Variants in PFKL observed in about 807,000 individuals in gnomAD.
The protein encoded by PFKL is ATP-dependent 6-phosphofructokinase, liver type.
PFKL carries 74 observed loss-of-function variants against 92.1 expected under a neutral mutation model. That is an observed-to-expected ratio of 0.80 (90% CI 0.67 to 0.97). PFKL has a LOEUF of 0.97. Among genes scored for constraint, PFKL ranks in the 50% least tolerant of loss-of-function variants. The pLI is 0.00. For missense variants in PFKL, 1,028 were observed against 1,116.6 expected (o/e 0.92, Z 1.13); for synonymous variants, 494 against 456.4 (o/e 1.08, Z -1.05).
In PFKL at chr21:44,316,306, C is replaced by T. The variant is rs749333614; in HGVS notation, c.810C>T (p.Asn270=). 53 of 1,613,190 alleles carry T rather than the reference C, an allele frequency of 3.3e-5. No individual in the cohort carries two copies. Among genetic ancestry groups the T allele is most frequent in the Non-Finnish European group, 4.3e-5 (51 of 1,179,986 alleles). The part of the protein sequence containing the change: ...IIIAEGAIDR[N]GKPISSSYVK... ...TCGCTGAGGGTGCCATTGACCGCAA[C>T]GGGAAGCCCATCTCGTCCAGCTACG... Residue 270 remains asparagine, a synonymous_variant, in exon 8 of 22, where the codon AAC becomes AAT. Transcript: ENST00000349048.
rs770225443 is a variant in PFKL at position 44,312,431 on chromosome 21, C to T, written c.427+137C>T. 56 of 770,834 alleles carry T rather than the reference C, an allele frequency of 7.3e-5. No homozygotes were observed. In the Middle Eastern group the frequency reaches 2.6e-3, roughly 36 times the overall value. The allele number at this position is 770,834 out of a possible 1,614,324, so 47.7% of individuals were successfully genotyped here. On this transcript the variant is annotated intron_variant, in intron 4 of 21. Transcript: ENST00000349048. ...GAGGAGGGGCTGTCTGGCCGTTGGC[C>T]GGGGAGGAGTAGTGTCTGCCAGCAC...
At chr21:44,313,824 T>C in intron 6 of PFKL, 89 bp from the exon 7 acceptor site, 5 of 1,327,470 alleles carry the variant, frequency 3.8e-6, no homozygotes, top group Non-Finnish European at 5.2e-6. Flanking sequence ...ACAGAGAAGC[T>C]GTGGCCCAGA....
intron 5 of PFKL, 140 bp from the exon 6 acceptor site, chr21:44,313,498 T>C: frequency 1.3e-6 from 1 of 794,304 alleles, no homozygotes; most frequent in Non-Finnish European, 2.1e-6. Flanking sequence ...AGGTATCTTT[T>C]AGCTCAGAGC....
chr21:44,304,964 C>T (rs2040889783), intron 1 of PFKL, among the ~76,000 whole-genome samples: 1 of 152,138 alleles, frequency 6.6e-6, no homozygotes, highest in Non-Finnish European at 1.5e-5. Context: ...GCTCCAGCTC[C>T]CTGCACGCTC....
intron 1 of PFKL, among the ~76,000 whole-genome samples, 197 bp from the exon 2 acceptor site, chr21:44,306,484 T>TGGGGAGGGCAGAG (rs1454806581): frequency 1.3e-5 from 2 of 151,528 alleles, no homozygotes; most frequent in Non-Finnish European, 2.9e-5. Flanking sequence ...CCCTCTGAGA[T>TGGGGAGGGCAGAG]GGGGAGGGCG....
Position 44,312,959 on chromosome 21 carries a change from C to T in PFKL, c.428-19C>T. The T allele has an allele frequency of 9.9e-6, 16 of 1,611,038 alleles. No homozygotes were observed. Among genetic ancestry groups the T allele is most frequent in the Non-Finnish European group, 1.4e-5 (16 of 1,178,444 alleles). ...GCCAGTGGAGCCTCAGCCAGGTCCT[C>T]CTGCTGCTCCTGGCCCAGGTAAGAT... On this transcript the variant is annotated intron_variant, in intron 4 of 21. Transcript: ENST00000349048.
At chr21:44,308,224 C>G (rs1428123842) in intron 2 of PFKL, among the ~76,000 whole-genome samples, 2 of 152,126 alleles carry the variant, frequency 1.3e-5, no homozygotes. Flanking sequence ...ACAGGAGGAG[C>G]CTTAGTCTTG....
At chr21:44,314,213 T>A in intron 7 of PFKL, 192 bp downstream of exon 7, 1 of 585,634 alleles carries the variant, frequency 1.7e-6, no homozygotes, top group Non-Finnish European at 3.0e-6. Context: ...GCACCTGTGG[T>A]CCTGCCCCCA....
chr21:44,321,647 C>G, intron 12 of PFKL, 82 bp from the exon 13 acceptor site: 1 of 1,410,426 alleles, frequency 7.1e-7, no homozygotes, highest in Non-Finnish European at 9.3e-7. Flanking sequence ...TTTCCAGAAC[C>G]TGCCGGCCTG....
Position 44,310,983 on chromosome 21 carries a change from G to T in PFKL, c.160-23G>T, listed in dbSNP as rs756177292. ...GCCGCCATGGGGTCCCCTATCTCAT[G>T]CCTGCCCCACTCTTGATTTCAGGGC... On this transcript the variant is annotated intron_variant, in intron 2 of 21. Coordinates refer to ENST00000349048, the MANE Select transcript of PFKL (RefSeq NM_002626.6). 2.5e-6 allele frequency: 4 copies of T among 1,602,648 alleles called. 1 individual carries two copies. The South Asian group carries it at 4.4e-5, about 18-fold the overall frequency.
rs943791221 is a variant in PFKL at position 44,319,483 on chromosome 21, C to T, written c.1127+68C>T. On this transcript the variant is annotated intron_variant, in intron 11 of 21. Coordinates refer to ENST00000349048, the MANE Select transcript of PFKL (RefSeq NM_002626.6). ...TCCCGGTGCCAGGCAGCATGTGCTG[C>T]AGTGGCGCTATGCACGCCTGGCCTG... The T allele has an allele frequency of 2.3e-5, 31 of 1,339,542 alleles. No homozygotes were observed. The African/African-American group carries it at 2.7e-4, about 12-fold the overall frequency. 83.0% of individuals were successfully genotyped at this position (1,339,542 alleles called of 1,614,324 possible). A position where few individuals can be genotyped will look rare whatever the true frequency, so the allele number is the denominator to read the frequency against.
At chr21:44,314,089 T>G (rs2047132362) in intron 7 of PFKL, 68 bp downstream of exon 7, 4 of 1,135,092 alleles carry the variant, frequency 3.5e-6, no homozygotes, top group Non-Finnish European at 5.2e-6. Context: ...CCTGGGGTTT[T>G]GGGACCAGCC....
At chr21:44,313,366 G>T (rs942085546) in intron 5 of PFKL, among the ~76,000 whole-genome samples, 4 of 152,236 alleles carry the variant, frequency 2.6e-5, no homozygotes, top group African/African-American at 9.6e-5. Flanking sequence ...AGGGGCAGCT[G>T]CTTGCCCTGG....
rs200415582 is a variant in PFKL at position 44,316,462 on chromosome 21, C to T, written c.874C>T (p.Arg292Cys). Reference protein sequence around the residue: ...LVVQRLGFDTRVTVLGHVQRG... With the variant: ...LVVQRLGFDTCVTVLGHVQRG... ...GGTTCAGAGGCTGGGCTTCGACACC[C>T]GTGTAACTGTGCTGGGCCACGTGCA... is the stretch of plus-strand genomic sequence containing the variant. Residue 292 changes from arginine to cysteine, a missense_variant, in exon 9 of 22, where the codon CGT (arginine) becomes TGT (cysteine). Coordinates refer to ENST00000349048, the MANE Select transcript of PFKL (RefSeq NM_002626.6). 1.5e-5 allele frequency: 24 copies of T among 1,611,386 alleles called. No homozygotes were observed. The highest frequency in any genetic ancestry group is 4.4e-5 in the South Asian group (4 of 90,990).
chr21:44,316,643 A>G, intron 9 of PFKL, 119 bp downstream of exon 9: 1 of 718,466 alleles, frequency 1.4e-6, no homozygotes, highest in Non-Finnish European at 2.3e-6. Flanking sequence ...GCTGTGGGTG[A>G]GTGTCCGTGT....
At chr21:44,310,937 C>T (rs924445751) in intron 2 of PFKL, 69 bp from the exon 3 acceptor site, 1 of 1,133,588 alleles carries the variant, frequency 8.8e-7, no homozygotes, top group Non-Finnish European at 1.3e-6. Flanking sequence ...GAAAATCCTG[C>T]TCCCAGACCA....
chr21:44,304,296 G>T, intron 1 of PFKL: 1 of 1,288,994 alleles, frequency 7.8e-7, no homozygotes, highest in Non-Finnish European at 1.0e-6. Flanking sequence ...AGCCCACCAG[G>T]CCCCCTGCTG....
chr21:44,311,988 C>G (rs1310546611), intron 3 of PFKL, 117 bp from the exon 4 acceptor site: 2 of 802,084 alleles, frequency 2.5e-6, no homozygotes, highest in Admixed American at 4.2e-5. Flanking sequence ...GCTTCTGCCT[C>G]TCACTCTGCA....
chr21:44,307,862 A>G (rs1371425338), intron 2 of PFKL, among the ~76,000 whole-genome samples: 1 of 152,178 alleles, frequency 6.6e-6, no homozygotes, highest in Non-Finnish European at 1.5e-5. Context: ...TTCTTCTTCT[A>G]AGTGGCAAAG....
Sources: gnomAD v4.1 joint callset for allele counts (sites outside exome capture counted in the v4.1 genomes callset) on GRCh38, gnomAD v4.1.1 for gene constraint, MANE v1.5 for transcripts, NCBI Gene and HGNC (gene_info 2026-07-23, HGNC 2026-07-21) for gene names.